Variants in NAALADL2 observed in about 807,000 individuals in gnomAD.
NAALADL2 encodes inactive N-acetylated-alpha-linked acidic dipeptidase-like protein 2.
A neutral mutation model predicts 87.2 loss-of-function variants in NAALADL2; 76 were observed. The ratio of observed to expected loss-of-function variants is 0.87; its 90% CI spans 0.72 to 1.05. The LOEUF is 1.05. NAALADL2 is among the 50% of genes least tolerant of loss of function. The pLI is 0.00. For synonymous variants in NAALADL2, 354 were observed against 331.0 expected (o/e 1.07, Z -0.75); for missense variants, 1,089 against 945.8 (o/e 1.15, Z -1.99).
Position 175,804,948 on chromosome 3 carries a change from A to G in NAALADL2, c.*1745A>G, listed in dbSNP as rs1754572263. On this transcript the variant is annotated 3_prime_UTR_variant, in exon 14 of 14. Transcript: ENST00000454872. ...ACAATATTATTTTTTTAACCAATGTATTTGTTTGCAAACATTTGCCATGTT... is the reference window on the plus strand; with the variant it reads ...ACAATATTATTTTTTTAACCAATGTGTTTGTTTGCAAACATTTGCCATGTT... 2 of 151,912 alleles carry G rather than the reference A, an allele frequency of 1.3e-5. No individual in the cohort carries two copies. Among genetic ancestry groups the G allele is most frequent in the Non-Finnish European group, 2.9e-5 (2 of 67,884 alleles). The allele number at this position is 151,912 out of a possible 1,614,324, so 9.4% of individuals were successfully genotyped here.
At chr3:175,476,909 TAAA>T (rs1338001904) in intron 9 of NAALADL2, among the ~76,000 whole-genome samples, 1 of 152,134 alleles carries the variant, frequency 6.6e-6, no homozygotes, top group Non-Finnish European at 1.5e-5. Flanking sequence ...TCTGGAATAA[TAAA>T]AATAACAACT....
At chr3:174,648,910 T>C (rs542219811) in intron 2 of NAALADL2, among the ~76,000 whole-genome samples, 1 of 152,324 alleles carries the variant, frequency 6.6e-6, no homozygotes, top group East Asian at 1.9e-4. Context: ...TTATATCATT[T>C]GATGAGTTGC....
intron 2 of NAALADL2, among the ~76,000 whole-genome samples, chr3:175,209,710 T>C (rs1445505439): frequency 1.3e-5 from 2 of 151,682 alleles, no homozygotes; most frequent in African/African-American, 4.8e-5. Context: ...ATTTTGGATA[T>C]ATATATATAT....
chr3:175,431,274 A>T (rs542151005), intron 5 of NAALADL2, among the ~76,000 whole-genome samples: 1 of 152,160 alleles, frequency 6.6e-6, no homozygotes, highest in African/African-American at 2.4e-5. Flanking sequence ...AGAAATGTCA[A>T]TTTTCTTTCC....
intron 1 of NAALADL2, among the ~76,000 whole-genome samples, chr3:175,031,185 G>A (rs1422435081): frequency 2.6e-5 from 4 of 151,870 alleles, no homozygotes; most frequent in Non-Finnish European, 5.9e-5. Flanking sequence ...TGTTACACGG[G>A]TACATTGTAT....
At chr3:175,218,545 C>A (rs1477239534) in intron 2 of NAALADL2, among the ~76,000 whole-genome samples, 1 of 151,674 alleles carries the variant, frequency 6.6e-6, no homozygotes, top group African/African-American at 2.4e-5. Context: ...AGTGAACTTA[C>A]CACCTAGAGG....
intron 1 of NAALADL2, among the ~76,000 whole-genome samples, chr3:174,499,947 T>A (rs1390897006): frequency 1.3e-5 from 2 of 152,186 alleles, no homozygotes; most frequent in Admixed American, 6.5e-5. Flanking sequence ...AATAAGTTTT[T>A]AAATTTCTGT....
intron 1 of NAALADL2, among the ~76,000 whole-genome samples, chr3:175,023,245 A>G (rs1269517002): frequency 2.8e-5 from 3 of 108,896 alleles, no homozygotes; most frequent in Non-Finnish European, 5.3e-5. Flanking sequence ...TCCATTGGGG[A>G]TAAATAAATA....
intron 1 of NAALADL2, among the ~76,000 whole-genome samples, chr3:175,049,863 C>T (rs1021580648): frequency 6.6e-6 from 1 of 152,032 alleles, no homozygotes; most frequent in African/African-American, 2.4e-5. Flanking sequence ...TAATATGGAC[C>T]GCAATTAAAT....
intron 2 of NAALADL2, among the ~76,000 whole-genome samples, chr3:175,187,063 T>A (rs1737450254): frequency 6.6e-6 from 1 of 152,152 alleles, no homozygotes; most frequent in Admixed American, 6.6e-5. Flanking sequence ...AGAGCCAGTA[T>A]TTCTGGTAGA....
intron 1 of NAALADL2, among the ~76,000 whole-genome samples, chr3:174,991,297 A>G (rs954678344): frequency 6.6e-6 from 1 of 152,114 alleles, no homozygotes; most frequent in Non-Finnish European, 1.5e-5. Context: ...ACATTCTAGT[A>G]ATAGAGATTT....
intron 3 of NAALADL2, among the ~76,000 whole-genome samples, chr3:174,822,336 G>A (rs1006539142): frequency 3.3e-5 from 5 of 152,078 alleles, no homozygotes; most frequent in African/African-American, 1.2e-4. Context: ...ATGTAAAAAT[G>A]CCAGATATTT....
intron 4 of NAALADL2, among the ~76,000 whole-genome samples, chr3:175,301,345 A>T (rs1319736191): frequency 2.0e-5 from 3 of 152,140 alleles, no homozygotes; most frequent in African/African-American, 7.2e-5. Context: ...TGATAGGTGC[A>T]GCAAACCACC....
At chr3:175,434,894 A>T (rs763700314) in intron 5 of NAALADL2, among the ~76,000 whole-genome samples, 1 of 151,986 alleles carries the variant, frequency 6.6e-6, no homozygotes, top group Non-Finnish European at 1.5e-5. Flanking sequence ...TAGATATTTT[A>T]TCTGTCTCTT....
In NAALADL2 at chr3:175,097,304, G is replaced by C. The variant is rs775510990; in HGVS notation, c.545+13G>C. 5.0e-6 allele frequency: 8 copies of C among 1,595,398 alleles called. No homozygotes were observed. The East Asian group carries it at 1.6e-4, about 31-fold the overall frequency. On this transcript the variant is annotated intron_variant, in intron 2 of 13. Coordinates refer to ENST00000454872, the MANE Select transcript of NAALADL2 (RefSeq NM_207015.3). ...AGAAGTCTTTCAGGTAGGTGAAGAAGAAACAGATGTTGTTTGAATGCATTT... is the reference window on the plus strand; with the variant it reads ...AGAAGTCTTTCAGGTAGGTGAAGAACAAACAGATGTTGTTTGAATGCATTT...
intron 12 of NAALADL2, among the ~76,000 whole-genome samples, chr3:175,738,395 A>T (rs912986892): frequency 6.6e-6 from 1 of 152,028 alleles, no homozygotes; most frequent in African/African-American, 2.4e-5. Context: ...CTACAGGCAC[A>T]TGCCACCACA....
At chr3:174,472,539 G>C (rs538386127) in intron 1 of NAALADL2, among the ~76,000 whole-genome samples, 1 of 152,240 alleles carries the variant, frequency 6.6e-6, no homozygotes, top group Non-Finnish European at 1.5e-5. Flanking sequence ...ATTTCCCTTT[G>C]TTTTAAAATA....
At chr3:175,173,816 C>T (rs1386736697) in intron 2 of NAALADL2, among the ~76,000 whole-genome samples, 1 of 152,188 alleles carries the variant, frequency 6.6e-6, no homozygotes, top group African/African-American at 2.4e-5. Context: ...TTGTTGCATT[C>T]AGTAAGTGTG....
At chr3:175,092,734 T>C (rs1720373740) in intron 1 of NAALADL2, among the ~76,000 whole-genome samples, 1 of 151,900 alleles carries the variant, frequency 6.6e-6, no homozygotes, top group East Asian at 1.9e-4. Flanking sequence ...GTTCAACTTG[T>C]ATCTGTTTTA....
Sources: allele counts gnomAD v4.1 joint callset (sites outside exome capture counted in the v4.1 genomes callset), GRCh38; gene constraint gnomAD v4.1.1; transcripts MANE v1.5; gene names NCBI Gene and HGNC (gene_info 2026-07-23, HGNC 2026-07-21).